The following CNTNAP2 variants were observed in gnomAD, a reference collection of about 807,000 sequenced individuals.
CNTNAP2 encodes the protein contactin-associated protein-like 2.
In CNTNAP2, 98 loss-of-function variants were observed where a neutral mutation model predicts 155.2. The ratio of observed to expected loss-of-function variants is 0.63; its 90% confidence interval spans 0.54 to 0.75. The LOEUF (loss-of-function observed/expected upper bound fraction) is 0.75, where lower values mean the gene tolerates loss of function less well. CNTNAP2 is among the 30% of genes least tolerant of loss of function. CNTNAP2 has a pLI of 0.00. For missense variants in CNTNAP2, 1,727 were observed against 1,688.1 expected, an observed-to-expected ratio of 1.02 and a Z score of -0.40; for synonymous variants, 651 against 631.2, an observed-to-expected ratio of 1.03 and a Z score of -0.47.
At chr7:146,681,147 G>A (rs868837388) in intron 1 of CNTNAP2, among the ~76,000 whole-genome samples, 4 of 151,574 alleles carry the variant, frequency 2.6e-5, no homozygotes, top group East Asian at 4.0e-4. Context: ...CTCAGAAAGC[G>A]TCACAGAAAA....
chr7:146,711,125 C>T (rs1270816611), intron 1 of CNTNAP2, among the ~76,000 whole-genome samples: 1 of 151,396 alleles, frequency 6.6e-6, no homozygotes, highest in Non-Finnish European at 1.5e-5. Context: ...CACACAGACA[C>T]ACACACACAT....
At chr7:146,740,951 G>A (rs1801705501) in intron 1 of CNTNAP2, among the ~76,000 whole-genome samples, 1 of 152,142 alleles carries the variant, frequency 6.6e-6, no homozygotes, top group Non-Finnish European at 1.5e-5. Flanking sequence ...CTGGTGTCCT[G>A]GTGGGTCTAT....
In CNTNAP2 at chr7:146,404,141, A is replaced by AAAAAAAAAAAAAAAAAC. The variant is rs1367526173; in HGVS notation, c.97+287169_97+287170insAAAAAAAAAAAAAAACA. 1.3e-4 allele frequency among the ~76,000 whole-genome samples: 19 copies of AAAAAAAAAAAAAAAAAC among 147,484 alleles called. 1 individual carries two copies. Among genetic ancestry groups the AAAAAAAAAAAAAAAAAC allele is most frequent in the African/African-American group, 4.8e-4 (18 of 37,820 alleles). Reference sequence around the variant, plus strand: ...CTCCGTCTCAAAAAAAAAAAAAAAAAACAAAGAACTTGGCCTCTTGGTTTT... The same window carrying AAAAAAAAAAAAAAAAAC: ...CTCCGTCTCAAAAAAAAAAAAAAAAAAAAAAAAAAAAAAAAACACAAAGAACTTGGCCTCTTGGTTTT... On this transcript the variant is annotated intron_variant, in intron 1 of 23. Transcript: ENST00000361727.
chr7:146,532,420 T>C, intron 1 of CNTNAP2, among the ~76,000 whole-genome samples: 1 of 152,148 alleles, frequency 6.6e-6, no homozygotes, highest in East Asian at 1.9e-4. Flanking sequence ...ACAGACTAGC[T>C]TCAGGCTCTG....
chr7:146,783,739 A>G (rs1011985321), intron 2 of CNTNAP2, among the ~76,000 whole-genome samples: 2 of 152,262 alleles, frequency 1.3e-5, no homozygotes, highest in Admixed American at 1.3e-4. Flanking sequence ...CCCAAAGTGC[A>G]TGATGTTAAT....
intron 10 of CNTNAP2, among the ~76,000 whole-genome samples, chr7:147,416,824 T>A (rs1797200813): frequency 6.6e-6 from 1 of 152,112 alleles, no homozygotes; most frequent in Non-Finnish European, 1.5e-5. Flanking sequence ...CCGTGTGCAG[T>A]GGCTCAGTAA....
chr7:147,288,627 A>T (rs1300542806), intron 8 of CNTNAP2, among the ~76,000 whole-genome samples: 1 of 152,244 alleles, frequency 6.6e-6, no homozygotes, highest in Non-Finnish European at 1.5e-5. Context: ...TAACGAGAGT[A>T]GTTTGCAGTT....
chr7:148,272,028 A>C (rs1229348286), intron 21 of CNTNAP2, among the ~76,000 whole-genome samples: 1 of 152,168 alleles, frequency 6.6e-6, no homozygotes, highest in Non-Finnish European at 1.5e-5. Context: ...CTTCACACTG[A>C]GCTCTTTGAT....
intron 2 of CNTNAP2, among the ~76,000 whole-genome samples, chr7:146,800,773 C>T (rs1022905916): frequency 1.2e-4 from 18 of 151,970 alleles, no homozygotes; most frequent in Middle Eastern, 3.4e-3. Flanking sequence ...AAACATGAAA[C>T]GAATTATACT....
At chr7:147,470,440 C>G (rs1314185643) in intron 10 of CNTNAP2, among the ~76,000 whole-genome samples, 1 of 138,452 alleles carries the variant, frequency 7.2e-6, no homozygotes, top group Non-Finnish European at 1.6e-5. Context: ...GCTACAATAG[C>G]GTCTTGGATT....
chr7:147,950,364 C>CAAAAAAAAAA (rs386411606), intron 14 of CNTNAP2, among the ~76,000 whole-genome samples: 5 of 55,782 alleles, frequency 9.0e-5, no homozygotes, highest in East Asian at 9.6e-4. Flanking sequence ...CATAGAGAGG[C>CAAAAAAAAAA]AAAAAAAAAA....
chr7:148,009,905 G>C (rs911937597), intron 15 of CNTNAP2, among the ~76,000 whole-genome samples: 4 of 151,876 alleles, frequency 2.6e-5, no homozygotes, highest in Non-Finnish European at 5.9e-5. Flanking sequence ...TGACTCCTCT[G>C]AGAATTAATT....
chr7:148,105,228 T>C (rs1351553379), intron 15 of CNTNAP2, among the ~76,000 whole-genome samples: 3 of 152,130 alleles, frequency 2.0e-5, no homozygotes, highest in Middle Eastern at 3.4e-3. Context: ...CTGGAGGAGG[T>C]GGCATCTGAA....
At chr7:146,742,619 C>T (rs74775100) in intron 1 of CNTNAP2, among the ~76,000 whole-genome samples, 1 of 151,750 alleles carries the variant, frequency 6.6e-6, no homozygotes, top group African/African-American at 2.4e-5. Flanking sequence ...GAAGGCTGTA[C>T]AATAGGATAA....
At chr7:148,324,560 G>A (rs546401055) in intron 21 of CNTNAP2, among the ~76,000 whole-genome samples, 15 of 152,238 alleles carry the variant, frequency 9.9e-5, no homozygotes, top group African/African-American at 3.6e-4. Flanking sequence ...CACTTTAGGA[G>A]GCCAAGGCGG....
At chr7:147,267,206 A>C (rs1488872472) in intron 8 of CNTNAP2, among the ~76,000 whole-genome samples, 1 of 152,244 alleles carries the variant, frequency 6.6e-6, no homozygotes, top group East Asian at 1.9e-4. Context: ...TGCTGTATCC[A>C]TATTCCTTTA....
At chr7:147,111,357 A>G (rs910825083) in intron 5 of CNTNAP2, among the ~76,000 whole-genome samples, 6 of 152,222 alleles carry the variant, frequency 3.9e-5, no homozygotes, top group African/African-American at 1.4e-4. Context: ...ACTGTGCAGA[A>G]GCACTTCAGT....
intron 13 of CNTNAP2, among the ~76,000 whole-genome samples, chr7:147,850,855 G>A (rs573452661): frequency 0.07 from 10,679 of 152,080 alleles, 404 homozygotes; most frequent in East Asian, 0.13. Flanking sequence ...TCAGGACATA[G>A]GCATGGGCAA....
At chr7:147,996,731 T>C (rs1801809978) in intron 15 of CNTNAP2, among the ~76,000 whole-genome samples, 1 of 152,192 alleles carries the variant, frequency 6.6e-6, no homozygotes. Flanking sequence ...GAATTAAGCT[T>C]AAATGCAAAT....
Sources: gnomAD v4.1 joint callset for allele counts (sites outside exome capture counted in the v4.1 genomes callset) on GRCh38, gnomAD v4.1.1 for gene constraint, MANE v1.5 for transcripts, NCBI Gene and HGNC (gene_info 2026-07-23, HGNC 2026-07-21) for gene names.